Variants in FSTL4 observed in about 807,000 individuals in gnomAD.
FSTL4 encodes follistatin like 4.
A neutral mutation model predicts 78.2 loss-of-function variants in FSTL4; 28 were observed. The observed-to-expected ratio is 0.36, with a 90% CI of 0.27 to 0.49. The LOEUF (loss-of-function observed/expected upper bound fraction) is 0.49. FSTL4 is among the 20% of genes least tolerant of loss of function. FSTL4 has a pLI of 0.98. For synonymous variants in FSTL4, 422 were observed against 440.5 expected, an observed-to-expected ratio of 0.96 and a Z score of 0.53; for missense variants, 922 against 1,084.9, an observed-to-expected ratio of 0.85 and a Z score of 2.11.
the FSTL4 span, among the ~76,000 whole-genome samples, chr5:133,726,548 C>T: frequency 0.32 from 49,232 of 151,970 alleles, 8,642 homozygotes; most frequent in Middle Eastern, 0.46. Flanking sequence ...TCCCCATGAG[C>T]GAGCCAGGAG....
intron 6 of FSTL4, among the ~76,000 whole-genome samples, chr5:133,250,717 G>A (rs527524478): frequency 8.5e-5 from 13 of 152,346 alleles, no homozygotes; most frequent in South Asian, 4.1e-4. Context: ...AAGAGGGAGC[G>A]AAAACAGCCG....
At chr5:133,491,130 G>T (rs939072538) in intron 3 of FSTL4, among the ~76,000 whole-genome samples, 13 of 152,076 alleles carry the variant, frequency 8.5e-5, no homozygotes, top group African/African-American at 3.1e-4. Context: ...AAAAAAAATT[G>T]TTTTTAATAA....
At chr5:133,463,909 G>C (rs953166561) in intron 3 of FSTL4, among the ~76,000 whole-genome samples, 53 of 152,188 alleles carry the variant, frequency 3.5e-4, no homozygotes, top group African/African-American at 1.3e-3. Flanking sequence ...CCAAGGACTG[G>C]CTTCTTCACT....
At chr5:133,437,491 T>TG (rs1361858142) in intron 3 of FSTL4, among the ~76,000 whole-genome samples, 3 of 142,136 alleles carry the variant, frequency 2.1e-5, no homozygotes, top group Non-Finnish European at 3.0e-5. Context: ...AGGTGTTTTT[T>TG]TTTTTTTTTT....
upstream of FSTL4, chr5:133,612,621 C>A (rs1025677747): frequency 2.6e-5 from 4 of 151,784 alleles, no homozygotes; most frequent in East Asian, 7.7e-4. This position sits in a 1 kb window ranked among gnomAD's most constrained non-coding sequence, Gnocchi z 6.2. Flanking sequence ...GCCGCCCGCC[C>A]GCCAGCCGGT....
intron 3 of FSTL4, among the ~76,000 whole-genome samples, chr5:133,421,613 AG>A (rs1278979428): frequency 2.0e-5 from 3 of 152,108 alleles, no homozygotes; most frequent in African/African-American, 7.2e-5. Flanking sequence ...CAGGAGGGGG[AG>A]CCATTTCCAA....
rs1283443648 is a variant in FSTL4, at chr5:133,440,082, G to A, written c.161-39096C>T. On this transcript the variant is annotated intron_variant, in intron 3 of 15. Coordinates refer to ENST00000265342, the MANE Select transcript of FSTL4 (RefSeq NM_015082.2). This position sits in a 1 kb window ranked among gnomAD's most constrained non-coding sequence, Gnocchi z 4.1. ...CTGGGGTCGGGAGGAAGGAAAGGAA[G>A]AGTCACCCTGGAGCACAAGCCCTGG... Among the ~76,000 whole-genome samples, 1 of 152,150 alleles carries A rather than the reference G, an allele frequency of 6.6e-6. No individual in the cohort carries two copies. The highest frequency in any genetic ancestry group is 1.9e-4 in the East Asian group (1 of 5,190).
chr5:133,334,582 A>G (rs746347510), intron 4 of FSTL4, among the ~76,000 whole-genome samples: 1 of 152,186 alleles, frequency 6.6e-6, no homozygotes, highest in African/African-American at 2.4e-5. Context: ...CTATACACTT[A>G]TGACTTATTC....
the FSTL4 span, among the ~76,000 whole-genome samples, chr5:133,722,776 G>A: frequency 7.9e-5 from 12 of 152,276 alleles, no homozygotes; most frequent in Non-Finnish European, 1.5e-4. Flanking sequence ...CTGCAGATGG[G>A]CCTGGGGCTT....
At chr5:133,581,936 T>C (rs1218324049) in intron 2 of FSTL4, among the ~76,000 whole-genome samples, 1 of 152,220 alleles carries the variant, frequency 6.6e-6, no homozygotes, top group South Asian at 2.1e-4. Context: ...CCTCTGCAGG[T>C]GCCAGTGGGC....
chr5:133,387,095 G>A (rs1316708574), intron 4 of FSTL4, among the ~76,000 whole-genome samples: 2 of 152,202 alleles, frequency 1.3e-5, no homozygotes, highest in African/African-American at 4.8e-5. Flanking sequence ...CATCAGCAAA[G>A]CTGCATGAAG....
At chr5:133,705,798 G>A in the FSTL4 span, among the ~76,000 whole-genome samples, 1 of 151,484 alleles carries the variant, frequency 6.6e-6, no homozygotes, top group African/African-American at 2.4e-5. Context: ...CATTATTCAG[G>A]ATCCAAATCA....
rs1750253610 is a variant in FSTL4, at chr5:133,199,552, G to A, written c.2072C>T (p.Thr691Ile). The stretch of plus-strand genomic sequence containing the variant: ...GCGCCCGTCGGGGGATGTGTGTGGG[G>A]TGCCTGTTACATCACCATTGGGGCC... The part of the protein sequence containing the change: ...VLGPNGDVTG[T>I]PHTSPDGRFI... Residue 691 changes from threonine (T) to isoleucine (I), a missense_variant, in exon 16 of 16, where the codon ACC (threonine) becomes ATC (isoleucine). Coordinates refer to ENST00000265342, the MANE Select transcript of FSTL4 (RefSeq NM_015082.2). The surrounding 1 kb of genome is among the most constrained non-coding windows in gnomAD (Gnocchi z 4.4). 1.2e-6 allele frequency: 2 copies of A among 1,613,962 alleles called. No individual in the cohort carries two copies. Among genetic ancestry groups the A allele is most frequent in the East Asian group, 2.2e-5 (1 of 44,872 alleles).
chr5:133,314,045 A>T (rs1414535135), intron 5 of FSTL4, among the ~76,000 whole-genome samples: 1 of 152,132 alleles, frequency 6.6e-6, no homozygotes, highest in Non-Finnish European at 1.5e-5. Flanking sequence ...CCAGGTTAGA[A>T]TGAAGTGCCT....
At chr5:133,525,066 G>A (rs1037484691) in intron 3 of FSTL4, among the ~76,000 whole-genome samples, 5 of 152,170 alleles carry the variant, frequency 3.3e-5, no homozygotes, top group South Asian at 2.1e-4. Context: ...CCCAGCAGAC[G>A]GGTGCCCCAG....
chr5:133,324,227 G>T (rs1206028577), intron 4 of FSTL4, among the ~76,000 whole-genome samples: 1 of 152,200 alleles, frequency 6.6e-6, no homozygotes, highest in Non-Finnish European at 1.5e-5. Context: ...AAAGGCGTGG[G>T]TGGGGCTGGG....
intron 2 of FSTL4, among the ~76,000 whole-genome samples, chr5:133,576,407 G>T (rs1044610234): frequency 6.6e-6 from 1 of 152,234 alleles, no homozygotes; most frequent in Non-Finnish European, 1.5e-5. Context: ...TATTGGCTAT[G>T]TGGGTTACGA....
chr5:133,800,421 CG>C, the FSTL4 span, among the ~76,000 whole-genome samples: 7 of 138,704 alleles, frequency 5.0e-5, 3 homozygotes, highest in Non-Finnish European at 1.1e-4. Flanking sequence ...CTAACACTAA[CG>C]ATAGCTGATG....
At chr5:133,602,814 G>A (rs970632878) in intron 2 of FSTL4, among the ~76,000 whole-genome samples, 3 of 152,192 alleles carry the variant, frequency 2.0e-5, no homozygotes, top group Non-Finnish European at 4.4e-5. Context: ...CAAAGATTAA[G>A]GCTGGTAGGT....
Sources: gnomAD v4.1 joint callset for allele counts (sites outside exome capture counted in the v4.1 genomes callset) on GRCh38, gnomAD v4.1.1 for gene constraint, Gnocchi (gnomAD v3.1) non-coding constraint, MANE v1.5 for transcripts, NCBI Gene and HGNC (gene_info 2026-07-23, HGNC 2026-07-21) for gene names.